The following DNAH11 variants were observed in gnomAD, a reference collection of about 807,000 sequenced individuals.
DNAH11 encodes the protein axonemal beta dynein heavy chain 11.
A neutral mutation model predicts 526.0 loss-of-function variants in DNAH11; 442 were observed. The ratio of observed to expected loss-of-function variants is 0.84; its 90% confidence interval spans 0.78 to 0.91. DNAH11 has a LOEUF of 0.91. Among genes scored for constraint, DNAH11 ranks in the 40% least tolerant of loss-of-function variants. DNAH11 has a pLI of 0.00. For missense variants in DNAH11, 6,989 were observed against 5,448.7 expected, an observed-to-expected ratio of 1.28 and a Z score of -8.90; for synonymous variants, 2,461 against 1,935.9, an observed-to-expected ratio of 1.27 and a Z score of -7.12.
At chr7:21,787,352 T>G in intron 59 of DNAH11, 49 bp from the exon 60 acceptor site, 2 of 1,541,540 alleles carry the variant, frequency 1.3e-6, no homozygotes, top group South Asian at 1.3e-5. Context: ...CTTGGAATTT[T>G]CTCTGCAGCC....
chr7:21,882,398 A>C (rs1288123622), intron 75 of DNAH11, among the ~76,000 whole-genome samples: 1 of 152,182 alleles, frequency 6.6e-6, no homozygotes, highest in Non-Finnish European at 1.5e-5. Context: ...TTGGGAATTA[A>C]ATTCCTATGA....
intron 25 of DNAH11, among the ~76,000 whole-genome samples, chr7:21,627,798 C>G (rs1786412603): frequency 6.6e-6 from 1 of 152,084 alleles, no homozygotes; most frequent in African/African-American, 2.4e-5. Context: ...GAAACTTTTT[C>G]TATTTCTGTG....
intron 30 of DNAH11, among the ~76,000 whole-genome samples, chr7:21,677,016 G>A (rs924678972): frequency 6.6e-6 from 1 of 152,212 alleles, no homozygotes; most frequent in African/African-American, 2.4e-5. Flanking sequence ...CGAATAAGAT[G>A]GATGCTGTCG....
intron 34 of DNAH11, among the ~76,000 whole-genome samples, chr7:21,689,474 C>T (rs1295561514): frequency 6.6e-6 from 1 of 152,188 alleles, no homozygotes. Context: ...GAGATGGGAC[C>T]ATGCCTCAAT....
intron 5 of DNAH11, chr7:21,561,492 T>C (rs955536817): frequency 3.7e-5 from 8 of 214,868 alleles, no homozygotes; most frequent in African/African-American, 9.4e-5. Context: ...AATCAACAGA[T>C]TGGGCTATGG....
intron 25 of DNAH11, among the ~76,000 whole-genome samples, chr7:21,627,708 G>T (rs1281333006): frequency 6.6e-6 from 1 of 152,152 alleles, no homozygotes; most frequent in Non-Finnish European, 1.5e-5. Flanking sequence ...AAGACAGGTA[G>T]TTTGATGCCT....
At chr7:21,739,450 C>G in intron 47 of DNAH11, 121 bp from the exon 48 acceptor site, 2 of 698,938 alleles carry the variant, frequency 2.9e-6, no homozygotes, top group Non-Finnish European at 4.6e-6. Context: ...CTAGGTCAAC[C>G]TCACAGAGTG....
chr7:21,900,472 C>G (rs1784741781), intron 81 of DNAH11, among the ~76,000 whole-genome samples: 1 of 103,172 alleles, frequency 9.7e-6, no homozygotes, highest in Non-Finnish European at 2.5e-5. Flanking sequence ...TAAATTTGCT[C>G]TAATGTTTTA....
At chr7:21,807,813 T>C (rs1370998767) in intron 62 of DNAH11, 70 bp from the exon 63 acceptor site, 10 of 1,473,426 alleles carry the variant, frequency 6.8e-6, no homozygotes, top group Non-Finnish European at 8.3e-6. Context: ...CATAAGGTAA[T>C]TGCATTAAGC....
chr7:21,833,215 A>G (rs1030130481), intron 65 of DNAH11, among the ~76,000 whole-genome samples: 4 of 152,244 alleles, frequency 2.6e-5, no homozygotes, highest in East Asian at 1.9e-4. Context: ...ATCAGGGAAT[A>G]TATGTTAGTG....
At position 21,617,675 on chromosome 7, in the gene DNAH11, A is replaced by G; in HGVS notation, c.4152A>G (p.Glu1384=). Residue 1384 remains glutamate, a synonymous_variant, in exon 23 of 82, where the codon GAA becomes GAG. Transcript: ENST00000409508. ...VRVWDAYTGL[E]GTVKDMTASL... is the part of the protein sequence containing the mutation. ...TCTGGGATGCTTACACGGGCCTGGA[A>G]GGCACAGTTAAGGACATGACAGCCT... is the stretch of plus-strand genomic sequence containing the variant. The G allele has an allele frequency of 1.2e-6, 2 of 1,613,882 alleles. No individual in the cohort carries two copies. The highest frequency in any genetic ancestry group is 1.7e-6 in the Non-Finnish European group (2 of 1,179,830).
chr7:21,715,800 C>T (rs1784637922), intron 42 of DNAH11, among the ~76,000 whole-genome samples: 1 of 151,612 alleles, frequency 6.6e-6, no homozygotes, highest in Non-Finnish European at 1.5e-5. Context: ...CATTTTTACT[C>T]TCTATCCTAT....
intron 9 of DNAH11, among the ~76,000 whole-genome samples, chr7:21,583,171 A>G (rs1253992045): frequency 6.6e-6 from 1 of 152,182 alleles, no homozygotes; most frequent in Non-Finnish European, 1.5e-5. Flanking sequence ...GCATCATGCT[A>G]CCTGACTTGA....
chr7:21,668,781 G>A (rs1782522636), intron 30 of DNAH11, among the ~76,000 whole-genome samples: 1 of 152,008 alleles, frequency 6.6e-6, no homozygotes, highest in Non-Finnish European at 1.5e-5. Context: ...TATTTCTAAG[G>A]CTGCTTTAAA....
chr7:21,704,010 G>A (rs1241458966), intron 37 of DNAH11, among the ~76,000 whole-genome samples: 1 of 152,112 alleles, frequency 6.6e-6, no homozygotes, highest in East Asian at 1.9e-4. Context: ...TTAGCTTACA[G>A]CCAAGATAGA....
intron 56 of DNAH11, among the ~76,000 whole-genome samples, chr7:21,775,747 C>T (rs2127980473): frequency 6.6e-6 from 1 of 152,252 alleles, no homozygotes; most frequent in South Asian, 2.1e-4. Flanking sequence ...TAAATCAAGA[C>T]CCCTTTCCAT....
chr7:21,583,240 G>A (rs1419157736), intron 9 of DNAH11, among the ~76,000 whole-genome samples: 1 of 152,054 alleles, frequency 6.6e-6, no homozygotes, highest in Non-Finnish European at 1.5e-5. Flanking sequence ...AAAACAGATT[G>A]TAGACCAATG....
chr7:21,636,082 A>T lies in DNAH11; in HGVS notation c.4712A>T (p.Asp1571Val). The part of the protein sequence containing the change: ...VKDARRFDGV[D>V]AEFKELMFKT... ...GATGCTAGAAGATTTGATGGGGTGG[A>T]TGCTGAATTTAAGGTTTGTCAAAGA... Residue 1571 changes from aspartate to valine, a missense_variant, in exon 26 of 82, where the codon GAT becomes GTT. Physicochemically the swap from Asp to Val is radical, Grantham distance 152 (BLOSUM62 -3). Coordinates refer to ENST00000409508, the MANE Select transcript of DNAH11 (RefSeq NM_001277115.2). The T allele has an allele frequency of 6.2e-7, 1 of 1,610,472 alleles. No individual in the cohort carries two copies. The highest frequency in any genetic ancestry group is 1.1e-5 in the South Asian group (1 of 90,320).
At chr7:21,635,521 G>C (rs1372804413) in intron 25 of DNAH11, among the ~76,000 whole-genome samples, 2 of 152,072 alleles carry the variant, frequency 1.3e-5, no homozygotes, top group African/African-American at 4.8e-5. Flanking sequence ...CAGGGATGAG[G>C]GGAAGAGCAA....
Sources: allele counts gnomAD v4.1 joint callset (sites outside exome capture counted in the v4.1 genomes callset), GRCh38; gene constraint gnomAD v4.1.1; transcripts MANE v1.5; gene names NCBI Gene and HGNC (gene_info 2026-07-23, HGNC 2026-07-21).